Variants in ZNF521 observed in about 807,000 individuals in gnomAD.
ZNF521 encodes the protein LYST-interacting protein 3.
ZNF521 carries 14 observed loss-of-function variants against 105.5 expected under a neutral mutation model. The observed-to-expected ratio is 0.13, with a 90% CI of 0.09 to 0.21. The LOEUF (loss-of-function observed/expected upper bound fraction) is 0.21, where lower values mean the gene tolerates loss of function less well. ZNF521 is among the 10% of genes least tolerant of loss of function. The pLI is 1.00. For missense variants in ZNF521, 1,233 were observed against 1,629.7 expected, an observed-to-expected ratio of 0.76 and a Z score of 4.19; for synonymous variants, 635 against 606.0, an observed-to-expected ratio of 1.05 and a Z score of -0.70.
chr18:25,348,300 A>C (rs1247328587), intron 2 of ZNF521, among the ~76,000 whole-genome samples: 1 of 152,244 alleles, frequency 6.6e-6, no homozygotes, highest in Non-Finnish European at 1.5e-5. Flanking sequence ...ATTTTGAAAA[A>C]TTGGAGACCC....
intron 2 of ZNF521, 168 bp from the exon 3 acceptor site, chr18:25,322,355 AAT>A: frequency 1.3e-6 from 1 of 776,852 alleles, no homozygotes; most frequent in Non-Finnish European, 2.3e-6. Context: ...CCTCTCCTAA[AAT>A]TATTCAGTTA....
At chr18:25,344,485 C>T (rs1914374009) in intron 2 of ZNF521, among the ~76,000 whole-genome samples, 1 of 152,010 alleles carries the variant, frequency 6.6e-6, no homozygotes, top group Middle Eastern at 3.2e-3. Flanking sequence ...CCATGTAGTC[C>T]CCAAACAAAA....
chr18:25,225,760 C>A lies in ZNF521; in HGVS notation c.2158G>T (p.Val720Phe), dbSNP rs776457121. ...QKHLLDMHTF[V>F]FFRCTLCQEV... The stretch of plus-strand genomic sequence containing the variant: ...TGGCAGAGGGTGCAGCGAAAGAAGA[C>A]AAAGGTGTGCATGTCCAGCAGGTGT... The change falls in exon 4 of 8, where the codon GTC (valine) becomes TTC (phenylalanine). Residue 720 changes from valine (V) to phenylalanine (F), a missense_variant. Val to Phe is a conservative substitution (Grantham distance 50). Coordinates refer to ENST00000361524, the MANE Select transcript of ZNF521 (RefSeq NM_015461.3). This position sits in a 1 kb window ranked among gnomAD's most constrained non-coding sequence, Gnocchi z 5.6. The A allele has an allele frequency of 6.2e-7, 1 of 1,614,222 alleles. No homozygotes were observed. The highest frequency in any genetic ancestry group is 8.5e-7 in the Non-Finnish European group (1 of 1,180,036).
intron 7 of ZNF521, among the ~76,000 whole-genome samples, chr18:25,080,325 G>A (rs1487835670): frequency 6.6e-6 from 1 of 152,182 alleles, no homozygotes; most frequent in Non-Finnish European, 1.5e-5. Flanking sequence ...TGTTCTAAAT[G>A]ACAGCACCGC....
chr18:25,068,656 C>T (rs1206747638), intron 7 of ZNF521, among the ~76,000 whole-genome samples: 1 of 152,152 alleles, frequency 6.6e-6, no homozygotes, highest in African/African-American at 2.4e-5. Flanking sequence ...CATTTCATCT[C>T]CTGCCCACTC....
At chr18:25,333,312 C>CTA (rs1465419892) in intron 2 of ZNF521, among the ~76,000 whole-genome samples, 3 of 135,738 alleles carry the variant, frequency 2.2e-5, no homozygotes, top group East Asian at 2.1e-4. Context: ...CTCTCTCTCT[C>CTA]TCTATATATA....
chr18:25,223,909 T>C (rs1905907515), intron 4 of ZNF521: 1 of 229,264 alleles, frequency 4.4e-6, no homozygotes, highest in African/African-American at 2.2e-5. Context: ...CTACCCAATT[T>C]GTTATCCCCA....
intron 2 of ZNF521, among the ~76,000 whole-genome samples, chr18:25,335,127 G>C (rs1913797114): frequency 6.6e-6 from 1 of 152,182 alleles, no homozygotes; most frequent in Admixed American, 6.5e-5. Flanking sequence ...GAATAAGGAA[G>C]GTGATGCTCT....
intron 3 of ZNF521, among the ~76,000 whole-genome samples, chr18:25,237,410 T>A (rs1239796372): frequency 6.6e-6 from 1 of 151,998 alleles, no homozygotes; most frequent in African/African-American, 2.4e-5. Context: ...ATATCTATAA[T>A]CATATTTTTA....
intron 5 of ZNF521, among the ~76,000 whole-genome samples, chr18:25,115,880 C>T (rs2034291343): frequency 6.6e-6 from 1 of 152,144 alleles, no homozygotes; most frequent in Non-Finnish European, 1.5e-5. Flanking sequence ...AGTGAGTTTA[C>T]AAAGAGCTTG....
At chr18:25,324,029 T>C (rs908338131) in intron 2 of ZNF521, among the ~76,000 whole-genome samples, 5 of 152,200 alleles carry the variant, frequency 3.3e-5, no homozygotes, top group Admixed American at 3.3e-4. Flanking sequence ...TTGGGCTGAT[T>C]TGCCATCTGG....
intron 5 of ZNF521, among the ~76,000 whole-genome samples, chr18:25,183,700 C>T (rs2035671811): frequency 1.3e-5 from 2 of 152,152 alleles, no homozygotes; most frequent in South Asian, 4.2e-4. Context: ...GCATGATATA[C>T]AGGGTTTGCC....
intron 5 of ZNF521, among the ~76,000 whole-genome samples, chr18:25,112,773 C>T (rs1408504358): frequency 6.6e-6 from 1 of 152,154 alleles, no homozygotes; most frequent in Non-Finnish European, 1.5e-5. Context: ...AACTTGGTTG[C>T]ACTTCTTTCA....
At chr18:25,062,871 C>T (rs1329076083) in intron 7 of ZNF521, 130 bp from the exon 8 acceptor site, 1 of 912,480 alleles carries the variant, frequency 1.1e-6, no homozygotes, top group Non-Finnish European at 1.6e-6. Flanking sequence ...ATGACTTGAA[C>T]AGAACAATGA....
intron 3 of ZNF521, among the ~76,000 whole-genome samples, chr18:25,268,960 C>T (rs1225032103): frequency 6.6e-6 from 1 of 152,022 alleles, no homozygotes; most frequent in Admixed American, 6.6e-5. Flanking sequence ...AGGACAAATG[C>T]CCCAATTAAA....
At chr18:25,336,491 T>C (rs919544321) in intron 2 of ZNF521, among the ~76,000 whole-genome samples, 3 of 152,174 alleles carry the variant, frequency 2.0e-5, no homozygotes, top group African/African-American at 7.2e-5. Flanking sequence ...CAATCCGACT[T>C]ACCAAAAAAA....
chr18:25,212,934 T>C (rs2036217986), intron 4 of ZNF521, among the ~76,000 whole-genome samples: 1 of 151,574 alleles, frequency 6.6e-6, no homozygotes, highest in South Asian at 2.1e-4. Flanking sequence ...TGTAATAATT[T>C]GTCTTTAGAT....
chr18:25,191,368 C>T (rs2035815402), intron 5 of ZNF521, among the ~76,000 whole-genome samples: 2 of 152,112 alleles, frequency 1.3e-5, no homozygotes, highest in South Asian at 4.2e-4. Flanking sequence ...GTAATCAATT[C>T]CAAGGATAAT....
intron 5 of ZNF521, among the ~76,000 whole-genome samples, chr18:25,116,702 A>G (rs2034309553): frequency 6.6e-6 from 1 of 151,862 alleles, no homozygotes; most frequent in Non-Finnish European, 1.5e-5. Context: ...AGGGAATAAC[A>G]CAAGATGAAT....
Sources: gnomAD v4.1 joint callset for allele counts (sites outside exome capture counted in the v4.1 genomes callset) on GRCh38, gnomAD v4.1.1 for gene constraint, Gnocchi (gnomAD v3.1) non-coding constraint, MANE v1.5 for transcripts, NCBI Gene and HGNC (gene_info 2026-07-23, HGNC 2026-07-21) for gene names.